The following PKHD1 variants were observed in gnomAD, a reference collection of about 807,000 sequenced individuals.
PKHD1 encodes the protein fibrocystin.
In PKHD1, 291 loss-of-function variants were observed where a neutral mutation model predicts 412.0. The ratio of observed to expected loss-of-function variants is 0.71; its 90% CI spans 0.64 to 0.78. The LOEUF (loss-of-function observed/expected upper bound fraction) is 0.78, where lower values mean the gene tolerates loss of function less well. PKHD1 is among the 30% of genes least tolerant of loss of function. The probability of loss-of-function intolerance (pLI) is 0.00; values close to 1 mark genes in which losing one functional copy is unlikely to be tolerated. For missense variants in PKHD1, 4,825 were observed against 4,950.7 expected, an observed-to-expected ratio of 0.97 and a Z score of 0.76; for synonymous variants, 1,777 against 1,821.5, an observed-to-expected ratio of 0.98 and a Z score of 0.62.
At chr6:51,652,481 GCTA>G (rs200541118) in intron 61 of PKHD1, among the ~76,000 whole-genome samples, 1 of 152,052 alleles carries the variant, frequency 6.6e-6, no homozygotes, top group East Asian at 1.9e-4. Context: ...TCTTCTCAAA[GCTA>G]CTAAGCCGAG....
At chr6:51,720,321 A>G (rs964079098) in intron 60 of PKHD1, among the ~76,000 whole-genome samples, 5 of 152,012 alleles carry the variant, frequency 3.3e-5, no homozygotes, top group African/African-American at 1.2e-4. Context: ...GGAAAATCTC[A>G]TTTTCTTCAA....
chr6:52,024,591 G>T lies in PKHD1; in HGVS notation c.5219C>A (p.Ala1740Glu), dbSNP rs1801861280. 3 of 1,613,948 alleles carry T rather than the reference G, an allele frequency of 1.9e-6. No homozygotes were observed. In the South Asian group the frequency reaches 3.3e-5, roughly 18 times the overall value. ...TGACTTACCGAAGTTCTCCGTCACTGCTGTAATAATAACTCTTGAGGTGAA... is the reference window on the plus strand; with the variant it reads ...TGACTTACCGAAGTTCTCCGTCACTTCTGTAATAATAACTCTTGAGGTGAA... ...LVFTSRVIIT[A>E]VTENFGCLGG... Residue 1740 changes from alanine to glutamate, a missense_variant, in exon 32 of 67, where the codon GCA (alanine) becomes GAA (glutamate). Coordinates refer to ENST00000371117, the MANE Select transcript of PKHD1 (RefSeq NM_138694.4).
chr6:51,895,949 G>T (rs565582188), intron 43 of PKHD1, among the ~76,000 whole-genome samples: 1 of 152,088 alleles, frequency 6.6e-6, no homozygotes, highest in African/African-American at 2.4e-5. Context: ...CGAATACTGC[G>T]CTTTTCCGAC....
chr6:51,777,679 G>GAAAAAAAAAAAAAAAAAAAAAAAAAAA (rs59379021), intron 53 of PKHD1, among the ~76,000 whole-genome samples: 1 of 118,796 alleles, frequency 8.4e-6, no homozygotes. Flanking sequence ...GAGTCTTTGG[G>GAAAAAAAAAAAAAAAAAAAAAAAAAAA]AAAAAAAAAA....
chr6:51,699,928 T>TGTGTGTGTGC (rs2150694824), intron 60 of PKHD1, among the ~76,000 whole-genome samples: 1 of 151,036 alleles, frequency 6.6e-6, no homozygotes, highest in East Asian at 1.9e-4. Flanking sequence ...GGAGTGTGTG[T>TGTGTGTGTGC]GTGTGTGTGT....
At chr6:52,031,452 T>C (rs575946431) in intron 29 of PKHD1, among the ~76,000 whole-genome samples, 57 of 152,358 alleles carry the variant, frequency 3.7e-4, no homozygotes, top group African/African-American at 1.3e-3. Flanking sequence ...CCATGTGGCA[T>C]AGTGGAGCTC....
intron 37 of PKHD1, among the ~76,000 whole-genome samples, chr6:51,913,981 T>G (rs1783385066): frequency 1.3e-5 from 2 of 152,262 alleles, no homozygotes; most frequent in East Asian, 1.9e-4. Flanking sequence ...GAAATAAAAT[T>G]TATTTATATG....
chr6:51,926,220 C>T (rs1054743781), intron 37 of PKHD1, among the ~76,000 whole-genome samples: 1 of 152,070 alleles, frequency 6.6e-6, no homozygotes, highest in African/African-American at 2.4e-5. Flanking sequence ...CACAGGACTG[C>T]CATTTCTGCC....
At chr6:51,707,276 C>T (rs1379889898) in intron 60 of PKHD1, among the ~76,000 whole-genome samples, 1 of 152,070 alleles carries the variant, frequency 6.6e-6, no homozygotes, top group Non-Finnish European at 1.5e-5. Flanking sequence ...CTTTCTTTTG[C>T]CTCATTTGAT....
Position 51,659,514 on chromosome 6 carries a change from T to C in PKHD1, c.10612A>G (p.Ile3538Val). The change falls in exon 61 of 67, where the codon ATC becomes GTC. Residue 3538 changes from isoleucine to valine, a missense_variant. Coordinates refer to ENST00000371117, the MANE Select transcript of PKHD1 (RefSeq NM_138694.4). The part of the protein sequence containing the change: ...NESIGANYFN[I>V]MDNLLYVVLQ... ...ACAACATACAAGAGGTTATCCATGA[T>C]GTTGAAATAGTTGGCACCAATAGAT... is the stretch of plus-strand genomic sequence containing the variant. 6.2e-7 allele frequency: 1 copy of C among 1,613,662 alleles called. No individual in the cohort carries two copies. Among genetic ancestry groups the C allele is most frequent in the Non-Finnish European group, 8.5e-7 (1 of 1,179,794 alleles).
chr6:51,896,676 C>T (rs1434932557), intron 43 of PKHD1, among the ~76,000 whole-genome samples: 8 of 152,164 alleles, frequency 5.3e-5, no homozygotes, highest in Non-Finnish European at 8.8e-5. Flanking sequence ...ATGACTTTGA[C>T]GAGCTGAGAG....
chr6:51,923,492 A>ACT (rs1785028322), intron 37 of PKHD1, among the ~76,000 whole-genome samples: 1 of 151,992 alleles, frequency 6.6e-6, no homozygotes, highest in African/African-American at 2.4e-5. Flanking sequence ...ACCCTAGTTA[A>ACT]AGACAGACAC....
intron 60 of PKHD1, among the ~76,000 whole-genome samples, chr6:51,666,268 G>A (rs1023082878): frequency 2.0e-5 from 3 of 152,028 alleles, no homozygotes; most frequent in South Asian, 2.1e-4. Context: ...TAAAAACCTC[G>A]TAAGTACCAC....
intron 36 of PKHD1, among the ~76,000 whole-genome samples, chr6:51,935,543 A>C (rs1338268114): frequency 1.3e-5 from 2 of 152,234 alleles, no homozygotes; most frequent in African/African-American, 4.8e-5. Flanking sequence ...TTGTATCTTT[A>C]TATCAGACAC....
At chr6:52,074,520 G>T (rs1562290613) in intron 6 of PKHD1, among the ~76,000 whole-genome samples, 1 of 152,146 alleles carries the variant, frequency 6.6e-6, no homozygotes, top group Admixed American at 6.5e-5. Context: ...CCCTAGCCTT[G>T]GTGAGTATGA....
intron 60 of PKHD1, among the ~76,000 whole-genome samples, chr6:51,739,003 G>C (rs1403381778): frequency 6.7e-6 from 1 of 149,784 alleles, no homozygotes; most frequent in Non-Finnish European, 1.5e-5. Context: ...ATCTCTCCTG[G>C]AATGTGTGTG....
chr6:52,071,571 T>C (rs1488953109), intron 8 of PKHD1, among the ~76,000 whole-genome samples: 1 of 151,892 alleles, frequency 6.6e-6, no homozygotes, highest in Non-Finnish European at 1.5e-5. Flanking sequence ...CAGCAAAACA[T>C]TGGGTATTTA....
intron 52 of PKHD1, among the ~76,000 whole-genome samples, chr6:51,823,674 T>A (rs186459174): frequency 1.3e-5 from 2 of 152,350 alleles, no homozygotes; most frequent in East Asian, 3.9e-4. Context: ...TTTATGTTTA[T>A]TCTGTCACAG....
chr6:51,820,810 T>C (rs1439751598), intron 52 of PKHD1, among the ~76,000 whole-genome samples: 3 of 152,162 alleles, frequency 2.0e-5, no homozygotes, highest in Non-Finnish European at 2.9e-5. Flanking sequence ...TCTAAACCTC[T>C]GTACATGAGG....
Sources: gnomAD v4.1 joint callset for allele counts (sites outside exome capture counted in the v4.1 genomes callset) on GRCh38, gnomAD v4.1.1 for gene constraint, MANE v1.5 for transcripts, NCBI Gene and HGNC (gene_info 2026-07-23, HGNC 2026-07-21) for gene names.